The following ZNF705B variants were observed in gnomAD, a reference collection of about 807,000 sequenced individuals.
ZNF705B encodes Putative zinc finger protein 705D-like protein LOC100132396.
ZNF705B carries 1 observed loss-of-function variant against 10.5 expected under a neutral mutation model. The observed-to-expected ratio is 0.10, with a 90% CI of 0.03 to 0.45. The LOEUF is 0.45. ZNF705B is among the 20% of genes least tolerant of loss of function. ZNF705B has a pLI of 0.97. For missense variants in ZNF705B, 14 were observed against 84.0 expected, an observed-to-expected ratio of 0.17 and a Z score of 3.26; for synonymous variants, 4 against 25.4, an observed-to-expected ratio of 0.16 and a Z score of 2.53.
In ZNF705B at chr8:7,940,568, T is replaced by C. The variant is rs1170203229; in HGVS notation, c.-71-6783T>C. 5.0e-4 allele frequency among the ~76,000 whole-genome samples: 64 copies of C among 128,204 alleles called. 2 individuals carry two copies. The highest frequency in any genetic ancestry group is 1.7e-3 in the African/African-American group (62 of 37,334). The allele number at this position is 128,204 out of a possible 152,430, so 84.1% of individuals were successfully genotyped here. ...CTTACTTACGTGGTATATCTGAAAC[T>C]TTGTGCTCTAACCACATCTACCCAT... On this transcript the variant is annotated intron_variant, in intron 2 of 6. Coordinates refer to ENST00000400120, the MANE Select transcript of ZNF705B (RefSeq NM_001193630.1).
intron 2 of ZNF705B, among the ~76,000 whole-genome samples, chr8:7,931,738 TG>T: frequency 7.6e-6 from 1 of 130,818 alleles, no homozygotes; most frequent in African/African-American, 2.5e-5. Context: ...TCAGTGGTCC[TG>T]GGAAGGTGAC....
intron 1 of ZNF705B, among the ~76,000 whole-genome samples, chr8:7,928,749 C>CAAAA (rs548498381): frequency 1.4e-3 from 71 of 52,250 alleles, no homozygotes; most frequent in African/African-American, 2.1e-3. Flanking sequence ...AACCAGGTAG[C>CAAAA]AAAAAAAAAA....
intron 1 of ZNF705B, among the ~76,000 whole-genome samples, chr8:7,927,551 G>T (rs529451906): frequency 1.7e-5 from 2 of 117,418 alleles, no homozygotes; most frequent in Non-Finnish European, 4.1e-5. Flanking sequence ...ACAACTCTGC[G>T]TGGATAGGTA....
Position 7,940,624 on chromosome 8 carries a change from C to T in ZNF705B, c.-71-6727C>T, listed in dbSNP as rs1820124868. Among the ~76,000 whole-genome samples, 3 of 144,362 alleles carry T rather than the reference C, an allele frequency of 2.1e-5. No homozygotes were observed. The Admixed American group carries it at 2.1e-4, about 10-fold the overall frequency. The allele number at this position is 144,362 out of a possible 152,430, so 94.7% of individuals were successfully genotyped here. The stretch of plus-strand genomic sequence containing the variant: ...CAGCACCAGGGCCCCTGGCAACCAC[C>T]ATTCTACTCTCTGCTTTTGTGAGTT... On this transcript the variant is annotated intron_variant, in intron 2 of 6. Coordinates refer to ENST00000400120, the MANE Select transcript of ZNF705B (RefSeq NM_001193630.1).
In ZNF705B at chr8:7,928,221, G is replaced by A. The variant is rs1233469071; in HGVS notation, c.-222+1824G>A. On this transcript the variant is annotated intron_variant, in intron 1 of 6. Coordinates refer to ENST00000400120, the MANE Select transcript of ZNF705B (RefSeq NM_001193630.1). ...CCCATCACAAGGACTTCAGCTCCAC[G>A]ACTTAATCACCTCCTCAAAGCCCGC... Among the ~76,000 whole-genome samples, 6 of 113,050 alleles carry A rather than the reference G, an allele frequency of 5.3e-5. 1 individual carries two copies. Among genetic ancestry groups the A allele is most frequent in the Non-Finnish European group, 8.4e-5 (4 of 47,540 alleles). 74.2% of individuals were successfully genotyped at this position (113,050 alleles called of 152,430 possible). A position where few individuals can be genotyped will look rare whatever the true frequency, so the allele number is the denominator to read the frequency against.
intron 1 of ZNF705B, among the ~76,000 whole-genome samples, chr8:7,928,845 G>T (rs1401874821): frequency 1.9e-5 from 2 of 104,734 alleles, no homozygotes; most frequent in African/African-American, 2.7e-5. Context: ...TTCTAAAATG[G>T]GTGGTTTTCC....
chr8:7,928,252 G>A (rs528768410), intron 1 of ZNF705B, among the ~76,000 whole-genome samples: 1,218 of 115,696 alleles, frequency 0.011, 65 homozygotes, highest in African/African-American at 0.03. Flanking sequence ...CCCGCACCTT[G>A]TAATATCGTC....
chr8:7,929,541 T>G (rs2740642), intron 1 of ZNF705B, among the ~76,000 whole-genome samples: 8,086 of 84,156 alleles, frequency 0.096, 432 homozygotes, highest in Admixed American at 0.16. Context: ...AATGCAAAAT[T>G]ATTGTGAAGA....
rs1585004931 is a variant in ZNF705B at position 7,945,569 on chromosome 8, G to A, written c.-71-1782G>A. 3.1e-5 allele frequency among the ~76,000 whole-genome samples: 2 copies of A among 65,110 alleles called. 1 individual carries two copies. Among genetic ancestry groups the A allele is most frequent in the East Asian group, 9.1e-4 (2 of 2,206 alleles). The allele number at this position is 65,110 out of a possible 152,430, so 42.7% of individuals were successfully genotyped here. A position where few individuals can be genotyped will look rare whatever the true frequency, so the allele number is the denominator to read the frequency against. On this transcript the variant is annotated intron_variant, in intron 2 of 6. Coordinates refer to ENST00000400120, the MANE Select transcript of ZNF705B (RefSeq NM_001193630.1). ...ACATTCATGGAAGGGACAGGCAGAT[G>A]GAGTCATATGTTACTGGAGTCTTGA...
chr8:7,930,846 G>GTTT lies in ZNF705B; in HGVS notation c.-72+419_-72+421dup, dbSNP rs5889212. ...AAAGATGTGTTGTGTTATTTTTTTT[G>GTTT]TTTTTTTTTTTGTTGTTGTTGTTGT... On this transcript the variant is annotated intron_variant, in intron 2 of 6. Coordinates refer to ENST00000400120, the MANE Select transcript of ZNF705B (RefSeq NM_001193630.1). Among the ~76,000 whole-genome samples the GTTT allele has an allele frequency of 7.8e-4, 57 of 72,772 alleles. 1 individual carries two copies. The highest frequency in any genetic ancestry group is 1.4e-3 in the African/African-American group (44 of 32,504). 47.7% of individuals were successfully genotyped at this position (72,772 alleles called of 152,430 possible).
At chr8:7,938,794 G>C in intron 2 of ZNF705B, 1 of 1,211,596 alleles carries the variant, frequency 8.3e-7, no homozygotes, top group East Asian at 2.8e-5. Context: ...AAAAAGTTTG[G>C]CTTCATTTCC....
At position 7,929,387 on chromosome 8, in the gene ZNF705B, T is replaced by C. The variant is rs1360035915; in HGVS notation, c.-221-900T>C. 1.3e-4 allele frequency among the ~76,000 whole-genome samples: 16 copies of C among 121,426 alleles called. 5 individuals are homozygous for C. The highest frequency in any genetic ancestry group is 8.4e-4 in the Admixed American group (9 of 10,742). The allele number at this position is 121,426 out of a possible 152,430, so 79.7% of individuals were successfully genotyped here. On this transcript the variant is annotated intron_variant, in intron 1 of 6. Coordinates refer to ENST00000400120, the MANE Select transcript of ZNF705B (RefSeq NM_001193630.1). ...TTTCTTTATATTTCCAAAAGGAAAG[T>C]TGATAGATGCAGAGACATGAAATGA... is the stretch of plus-strand genomic sequence containing the variant.
intron 1 of ZNF705B, among the ~76,000 whole-genome samples, chr8:7,928,208 A>G (rs9650668): frequency 0.94 from 101,210 of 107,920 alleles, 47,453 homozygotes; most frequent in East Asian, 1. Context: ...CATCACAAGG[A>G]CTTCAGCTCC....
intron 1 of ZNF705B, among the ~76,000 whole-genome samples, chr8:7,927,876 C>T (rs1819741637): frequency 7.0e-6 from 1 of 142,022 alleles, no homozygotes; most frequent in Non-Finnish European, 1.6e-5. Context: ...TTTGGCTTCT[C>T]AACACATACT....
chr8:7,929,565 TAGG>T (rs1819785106), intron 1 of ZNF705B, among the ~76,000 whole-genome samples: 1 of 123,416 alleles, frequency 8.1e-6, no homozygotes, highest in African/African-American at 2.5e-5. Flanking sequence ...TCTATTTGAA[TAGG>T]AGGAGACTTG....
chr8:7,927,689 C>A (rs1441604165), intron 1 of ZNF705B, among the ~76,000 whole-genome samples: 3 of 141,006 alleles, frequency 2.1e-5, no homozygotes, highest in African/African-American at 4.9e-5. Context: ...ATTATTTGCA[C>A]AAGATCACTC....
chr8:7,940,858 G>A (rs1472497825), intron 2 of ZNF705B, among the ~76,000 whole-genome samples: 1 of 143,394 alleles, frequency 7.0e-6, no homozygotes, highest in African/African-American at 2.5e-5. Context: ...CCTCCCAACA[G>A]GCCCCAGTGT....
At position 7,928,623 on chromosome 8, in the gene ZNF705B, C is replaced by T. The variant is rs1265326983; in HGVS notation, c.-221-1664C>T. On this transcript the variant is annotated intron_variant, in intron 1 of 6. Transcript: ENST00000400120. ...ACTTTCTGCTGTTTAATTCCTTTAC[C>T]ATAAAAATGCGTTGCACTACATGAT... 6.5e-5 allele frequency among the ~76,000 whole-genome samples: 7 copies of T among 107,686 alleles called. 2 individuals are homozygous for T. Among genetic ancestry groups the T allele is most frequent in the Non-Finnish European group, 1.1e-4 (5 of 44,964 alleles). The allele number at this position is 107,686 out of a possible 152,430, so 70.6% of individuals were successfully genotyped here.
intron 2 of ZNF705B, among the ~76,000 whole-genome samples, chr8:7,940,426 T>A (rs4840822): frequency 0.94 from 116,544 of 123,830 alleles, 54,854 homozygotes; most frequent in Non-Finnish European, 1. Flanking sequence ...TATTATTATT[T>A]TTTTTTTTGG....
Sources: allele counts gnomAD v4.1 joint callset (sites outside exome capture counted in the v4.1 genomes callset), GRCh38; gene constraint gnomAD v4.1.1; transcripts MANE v1.5; gene names NCBI Gene and HGNC (gene_info 2026-07-23, HGNC 2026-07-21).